The following EYA2 variants were observed in gnomAD, a reference collection of about 807,000 sequenced individuals.
EYA2 encodes the protein protein phosphatase EYA2.
A neutral mutation model predicts 69.2 loss-of-function variants in EYA2; 31 were observed. The ratio of observed to expected loss-of-function variants is 0.45; its 90% confidence interval spans 0.34 to 0.60. The LOEUF is 0.60. EYA2 is among the 20% of genes least tolerant of loss of function. The pLI, the probability that EYA2 is intolerant of heterozygous loss-of-function variation, is 0.02. For synonymous variants in EYA2, 257 were observed against 279.4 expected (o/e 0.92, Z 0.80); for missense variants, 622 against 701.2 (o/e 0.89, Z 1.28).
At chr20:46,977,882 G>A (rs920379319) in intron 1 of EYA2, among the ~76,000 whole-genome samples, 1 of 152,170 alleles carries the variant, frequency 6.6e-6, no homozygotes, top group Non-Finnish European at 1.5e-5. Flanking sequence ...ACTTCCTTGT[G>A]GCTTGTGGAG....
At position 46,934,053 on chromosome 20, in the gene EYA2, A is replaced by G. The variant is rs76834667; in HGVS notation, c.-11+39066A>G. Among the ~76,000 whole-genome samples, 1,256 of 152,354 alleles carry G rather than the reference A, an allele frequency of 8.2e-3. 11 individuals are homozygous for G. The highest frequency in any genetic ancestry group is 0.012 in the Non-Finnish European group (841 of 68,032). On this transcript the variant is annotated intron_variant, in intron 1 of 15. Transcript: ENST00000327619. ...ACGTGACAGTGCCAGAGATGCTTCA[A>G]CTGATCATTAGCAAAGTGTTCTGAG...
At chr20:47,036,153 T>C (rs1226632707) in intron 5 of EYA2, among the ~76,000 whole-genome samples, 4 of 152,104 alleles carry the variant, frequency 2.6e-5, no homozygotes, top group South Asian at 4.2e-4. Flanking sequence ...ATGAGAAAAC[T>C]GAGACTCCAA....
chr20:46,994,223 G>T (rs1357913797), intron 2 of EYA2, among the ~76,000 whole-genome samples: 1 of 152,198 alleles, frequency 6.6e-6, no homozygotes. Flanking sequence ...TTGTTGTGGA[G>T]AATAAAGAGA....
Position 46,969,114 on chromosome 20 carries a change from G to T in EYA2, c.-10-20887G>T, listed in dbSNP as rs183818485. On this transcript the variant is annotated intron_variant, in intron 1 of 15. Transcript: ENST00000327619. ...GCAAAAGAGAATTCCTTGATCCAAGGTGAAATCTACCAGGGTGTTAGCTCT... is the reference window on the plus strand; with the variant it reads ...GCAAAAGAGAATTCCTTGATCCAAGTTGAAATCTACCAGGGTGTTAGCTCT... Among the ~76,000 whole-genome samples the T allele has an allele frequency of 9.2e-5, 14 of 152,292 alleles. No individual in the cohort carries two copies. In the East Asian group the frequency reaches 2.5e-3, roughly 27 times the overall value.
intron 10 of EYA2, among the ~76,000 whole-genome samples, chr20:47,150,051 A>G (rs1403613970): frequency 6.6e-6 from 1 of 152,228 alleles, no homozygotes; most frequent in Non-Finnish European, 1.5e-5. Flanking sequence ...AGGGGCTGGC[A>G]TGGTGAGGGC....
At chr20:47,095,039 A>G (rs909644726) in intron 8 of EYA2, among the ~76,000 whole-genome samples, 13 of 152,144 alleles carry the variant, frequency 8.5e-5, no homozygotes, top group African/African-American at 3.1e-4. Context: ...AATTAAAAAC[A>G]ATAAAGGCCA....
intron 10 of EYA2, among the ~76,000 whole-genome samples, chr20:47,162,198 T>C (rs1018160031): frequency 1.3e-5 from 2 of 152,130 alleles, no homozygotes; most frequent in Non-Finnish European, 2.9e-5. Flanking sequence ...AGGCCCACGC[T>C]AAGGTCCTCA....
At chr20:46,966,632 C>T (rs1177493559) in intron 1 of EYA2, among the ~76,000 whole-genome samples, 1 of 152,066 alleles carries the variant, frequency 6.6e-6, no homozygotes, top group African/African-American at 2.4e-5. Flanking sequence ...CACGGTGAAA[C>T]CCTGTCTCTA....
intron 9 of EYA2, among the ~76,000 whole-genome samples, chr20:47,139,455 G>A (rs570958677): frequency 3.3e-5 from 5 of 151,878 alleles, no homozygotes; most frequent in African/African-American, 7.3e-5. Flanking sequence ...TTTTTGGTAC[G>A]GAGTTTCACT....
intron 1 of EYA2, among the ~76,000 whole-genome samples, chr20:46,984,222 AAAAG>A (rs1600607633): frequency 1.3e-5 from 2 of 152,340 alleles, no homozygotes; most frequent in East Asian, 3.9e-4. Context: ...TACACCTACA[AAAAG>A]AAATTATTAG....
At chr20:46,960,098 TG>T (rs1258962760) in intron 1 of EYA2, among the ~76,000 whole-genome samples, 1 of 152,210 alleles carries the variant, frequency 6.6e-6, no homozygotes, top group East Asian at 1.9e-4. Flanking sequence ...ACGTCATGCC[TG>T]AATTTTGTTT....
chr20:47,025,486 T>G (rs778400847), intron 5 of EYA2, among the ~76,000 whole-genome samples: 8 of 152,242 alleles, frequency 5.3e-5, no homozygotes, highest in Non-Finnish European at 1.0e-4. Flanking sequence ...GCTAAGTCAA[T>G]ATATAGAAAG....
In EYA2 at chr20:47,188,572, T is replaced by C; in HGVS notation, c.*439T>C. On this transcript the variant is annotated 3_prime_UTR_variant, in exon 16 of 16. Transcript: ENST00000327619. ...TTTGGTTTGGTTTTTTGAACTGGTA[T>C]GTGGGGTGGTTCACAGTTCTAATGT... The C allele has an allele frequency of 2.2e-6, 1 of 448,270 alleles. No homozygotes were observed. Among genetic ancestry groups the C allele is most frequent in the Non-Finnish European group, 3.9e-6 (1 of 255,122 alleles). The allele number at this position is 448,270 out of a possible 1,614,324, so 27.8% of individuals were successfully genotyped here.
Position 46,990,259 on chromosome 20 carries a change from C to G in EYA2, c.109+140C>G, listed in dbSNP as rs116921778. On this transcript the variant is annotated intron_variant, in intron 2 of 15. Transcript: ENST00000327619. ...CTCCCCCTGCCATTTAAATGCTTGC[C>G]TCTGAACCAAAACTTTGGCATACAT... The G allele has an allele frequency of 3.3e-3, 1,672 of 509,048 alleles. 23 individuals carry two copies. The Middle Eastern group carries it at 0.072, about 22-fold the overall frequency. The allele number at this position is 509,048 out of a possible 1,614,324, so 31.5% of individuals were successfully genotyped here.
At chr20:47,124,253 G>A (rs1244954778) in intron 9 of EYA2, among the ~76,000 whole-genome samples, 1 of 152,178 alleles carries the variant, frequency 6.6e-6, no homozygotes, top group African/African-American at 2.4e-5. Flanking sequence ...CCCTTATCTG[G>A]TTGGGTGTTG....
intron 10 of EYA2, among the ~76,000 whole-genome samples, chr20:47,148,058 C>CAAAAAAAAAAA (rs1264883844): frequency 3.6e-5 from 3 of 82,834 alleles, no homozygotes; most frequent in African/African-American, 1.5e-4. Context: ...GACTCTGTCT[C>CAAAAAAAAAAA]AAAAAAAAAA....
intron 2 of EYA2, among the ~76,000 whole-genome samples, chr20:47,000,834 T>A (rs1982320145): frequency 6.6e-6 from 1 of 152,052 alleles, no homozygotes; most frequent in Admixed American, 6.5e-5. Context: ...AGTGGTTCCT[T>A]CCCCTAAAGT....
intron 9 of EYA2, among the ~76,000 whole-genome samples, chr20:47,119,380 C>A (rs1430048741): frequency 6.6e-6 from 1 of 152,208 alleles, no homozygotes; most frequent in Non-Finnish European, 1.5e-5. Flanking sequence ...CAATGGATGT[C>A]TCCCAGTGGG....
chr20:46,906,062 AT>A (rs1568660897), intron 1 of EYA2, among the ~76,000 whole-genome samples: 1 of 152,000 alleles, frequency 6.6e-6, no homozygotes, highest in Admixed American at 6.6e-5. Flanking sequence ...GTACATGGAC[AT>A]TTTTTTTCTT....
Sources: allele counts gnomAD v4.1 joint callset (sites outside exome capture counted in the v4.1 genomes callset), GRCh38; gene constraint gnomAD v4.1.1; transcripts MANE v1.5; gene names NCBI Gene and HGNC (gene_info 2026-07-23, HGNC 2026-07-21).